LINGO1: variants seen among roughly 807,000 people sequenced by gnomAD.
The protein encoded by LINGO1 is leucine-rich repeat and immunoglobulin-like domain-containing nogo receptor-interacting protein 1.
LINGO1 carries 11 observed loss-of-function variants against 37.3 expected under a neutral mutation model. That is an observed-to-expected ratio of 0.29 (90% CI 0.19 to 0.49). LINGO1 has a LOEUF of 0.49. Among genes scored for constraint, LINGO1 ranks in the 20% least tolerant of loss-of-function variants. The pLI, the probability that LINGO1 is intolerant of heterozygous loss-of-function variation, is 0.99. For synonymous variants in LINGO1, 387 were observed against 403.0 expected (o/e 0.96, Z 0.48); for missense variants, 585 against 878.2 (o/e 0.67, Z 4.22).
intron 2 of LINGO1, among the ~76,000 whole-genome samples, chr15:77,679,210 G>T (rs2075375224): frequency 6.6e-6 from 1 of 152,176 alleles, no homozygotes; most frequent in South Asian, 2.1e-4. Context: ...CTGCATTGTG[G>T]TTTTAATTTG....
At chr15:77,817,072 C>A (rs1465608056) in intron 1 of LINGO1, among the ~76,000 whole-genome samples, 1 of 152,258 alleles carries the variant, frequency 6.6e-6, no homozygotes, top group Admixed American at 6.5e-5. Flanking sequence ...AGAGGCCGCC[C>A]GGGACGGGGA....
chr15:77,776,630 C>A (rs1384315342), intron 1 of LINGO1, among the ~76,000 whole-genome samples: 1 of 151,906 alleles, frequency 6.6e-6, no homozygotes, highest in Non-Finnish European at 1.5e-5. Context: ...GCCACCATGT[C>A]CTCCATGGCT....
intron 1 of LINGO1, among the ~76,000 whole-genome samples, chr15:77,737,644 C>A (rs760989718): frequency 3.9e-5 from 6 of 152,156 alleles, no homozygotes; most frequent in Non-Finnish European, 5.9e-5. Context: ...TTATCAAGGT[C>A]CCCCAGAAAC....
At chr15:77,760,402 A>G (rs1189579430) in intron 1 of LINGO1, among the ~76,000 whole-genome samples, 2 of 152,264 alleles carry the variant, frequency 1.3e-5, no homozygotes, top group African/African-American at 4.8e-5. Flanking sequence ...ACTGAGCAGC[A>G]GAATGTTTTG....
intron 1 of LINGO1, among the ~76,000 whole-genome samples, chr15:77,808,617 G>A (rs1434888340): frequency 2.6e-5 from 4 of 152,114 alleles, no homozygotes; most frequent in Non-Finnish European, 5.9e-5. Flanking sequence ...CCTCTGTCTG[G>A]CACACAGACA....
chr15:77,633,531 G>A (rs958586409), upstream of LINGO1, among the ~76,000 whole-genome samples: 5 of 152,206 alleles, frequency 3.3e-5, no homozygotes, highest in Non-Finnish European at 1.5e-5. Context: ...GGAAGCTCCA[G>A]GGGACGGCGA....
chr15:77,761,286 A>T (rs929878830), intron 1 of LINGO1, among the ~76,000 whole-genome samples: 3 of 152,206 alleles, frequency 2.0e-5, no homozygotes, highest in Non-Finnish European at 2.9e-5. Context: ...GCTCCAGTGC[A>T]TTGGGTGGGG....
In LINGO1 at chr15:77,615,123, C is replaced by A. The variant is rs534115809; in HGVS notation, c.784G>T (p.Gly262Cys). 1.2e-6 allele frequency: 2 copies of A among 1,613,956 alleles called. No individual in the cohort carries two copies. The highest frequency in any genetic ancestry group is 2.2e-5 in the East Asian group (1 of 44,874). The change falls in exon 2 of 2, where the codon GGC (glycine) becomes TGC (cysteine). Residue 262 changes from glycine to cysteine, a missense_variant. Physicochemically the swap from Gly to Cys is radical, Grantham distance 159 (BLOSUM62 -3). This residue lies in a region of LINGO1 where 484 missense variants were observed against 735.0 expected (regional missense o/e 0.66). Coordinates refer to ENST00000355300, the MANE Select transcript of LINGO1 (RefSeq NM_032808.7). Reference sequence around the variant, plus strand: ...ATGGACAGGGACGTCAGGTTGAGGCCGTAGAGGCAGTTGGGTGTCATGGTG... The same window carrying A: ...ATGGACAGGGACGTCAGGTTGAGGCAGTAGAGGCAGTTGGGTGTCATGGTG... ...LDTMTPNCLYGLNLTSLSITH... is the reference protein window; with the variant it reads ...LDTMTPNCLYCLNLTSLSITH...
intron 2 of LINGO1, among the ~76,000 whole-genome samples, chr15:77,727,381 A>G (rs760745114): frequency 1.3e-5 from 2 of 152,252 alleles, no homozygotes; most frequent in Admixed American, 6.5e-5. Flanking sequence ...AATGTGGTGT[A>G]TACAGATGAT....
chr15:77,711,614 G>T (rs778765131), intron 2 of LINGO1, among the ~76,000 whole-genome samples: 1 of 152,174 alleles, frequency 6.6e-6, no homozygotes, highest in African/African-American at 2.4e-5. Context: ...CTGTAAACAG[G>T]GTTAGCCCGA....
chr15:77,651,370 C>A (rs1596050100), intron 3 of LINGO1: 1 of 152,244 alleles, frequency 6.6e-6, no homozygotes, highest in African/African-American at 2.4e-5. Flanking sequence ...TGATACCACA[C>A]TGACCTAAAA....
intron 1 of LINGO1, among the ~76,000 whole-genome samples, chr15:77,627,335 G>C (rs983528636): frequency 2.6e-5 from 4 of 152,116 alleles, no homozygotes; most frequent in African/African-American, 4.8e-5. Flanking sequence ...GGCTGGCAAA[G>C]GGAGCTGCTC....
intron 1 of LINGO1, 144 bp from the exon 2 acceptor site, chr15:77,616,044 C>G: frequency 1.8e-6 from 1 of 541,344 alleles, no homozygotes; most frequent in Non-Finnish European, 3.1e-6. Context: ...ATGCCCAGGC[C>G]AGAGGGCCTC....
chr15:77,739,309 TG>T (rs913976918), intron 1 of LINGO1, among the ~76,000 whole-genome samples: 7 of 152,202 alleles, frequency 4.6e-5, no homozygotes, highest in African/African-American at 1.7e-4. Context: ...GATTGATCTT[TG>T]CCTGAAACGG....
At chr15:77,654,872 G>A (rs1191979002) in intron 3 of LINGO1, among the ~76,000 whole-genome samples, 1 of 152,124 alleles carries the variant, frequency 6.6e-6, no homozygotes, top group Non-Finnish European at 1.5e-5. Context: ...CTCAATACTT[G>A]GGCTCTGTTG....
chr15:77,809,237 C>T (rs1340618627), intron 1 of LINGO1, among the ~76,000 whole-genome samples: 2 of 152,238 alleles, frequency 1.3e-5, no homozygotes, highest in Non-Finnish European at 2.9e-5. Flanking sequence ...CAGCTCTCAG[C>T]CATCCTCCCA....
rs184832339 is a variant in LINGO1, at chr15:77,805,853, A to G, written c.-457-9800T>C. On this transcript the variant is annotated intron_variant, in intron 1 of 5. Coordinates refer to the LINGO1 transcript ENST00000562933. ...AGGAGACAGGACAAGAGGGCCAAGG[A>G]CTCACAGGAGGCCTTGAATATCCAG... Among the ~76,000 whole-genome samples the G allele has an allele frequency of 4.3e-3, 655 of 152,248 alleles. 10 individuals carry two copies. The highest frequency in any genetic ancestry group is 6.5e-3 in the Non-Finnish European group (444 of 68,008).
intron 1 of LINGO1, among the ~76,000 whole-genome samples, chr15:77,810,382 G>A (rs1288109926): frequency 1.3e-5 from 2 of 151,086 alleles, no homozygotes; most frequent in Admixed American, 1.3e-4. Flanking sequence ...AGGGAGGAGA[G>A]GGAGAGGGAC....
At chr15:77,733,352 G>A (rs1210762181) in intron 2 of LINGO1, among the ~76,000 whole-genome samples, 2 of 152,188 alleles carry the variant, frequency 1.3e-5, no homozygotes, top group African/African-American at 4.8e-5. Context: ...ACTAGCCCAG[G>A]GGCTCCCTCT....
Sources: gnomAD v4.1 joint callset for allele counts (sites outside exome capture counted in the v4.1 genomes callset) on GRCh38, gnomAD v4.1.1 for gene constraint, gnomAD v4.1.1 regional missense constraint, MANE v1.5 for transcripts, NCBI Gene and HGNC (gene_info 2026-07-23, HGNC 2026-07-21) for gene names.